The following CAPSL variants were observed in gnomAD, a reference collection of about 807,000 sequenced individuals.
CAPSL encodes the protein calcyphosin-like protein.
In CAPSL, 17 loss-of-function variants were observed where a neutral mutation model predicts 21.3. The ratio of observed to expected loss-of-function variants is 0.80; its 90% CI spans 0.55 to 1.20. CAPSL has a LOEUF of 1.20. Among genes scored for constraint, CAPSL ranks in the 50% most tolerant of loss-of-function variants. CAPSL has a pLI of 0.00. For synonymous variants in CAPSL, 102 were observed against 89.3 expected (o/e 1.14, Z -0.80); for missense variants, 289 against 259.3 (o/e 1.11, Z -0.79).
Position 35,910,060 on chromosome 5 carries a change from C to A in CAPSL, c.331G>T (p.Ala111Ser), listed in dbSNP as rs1452563390. The change falls in exon 4 of 5, where the codon GCC becomes TCC. Residue 111 changes from alanine (A) to serine (S), a missense_variant. Physicochemically the swap from Ala to Ser is moderately conservative, Grantham distance 99 (BLOSUM62 1). Transcript: ENST00000651391. Reference sequence around the variant, plus strand: ...GCTTGCATGATTACCTCTTTTCTGGCTCTGGACATTGGAGGCTACAAAAAT... The same window carrying A: ...GCTTGCATGATTACCTCTTTTCTGGATCTGGACATTGGAGGCTACAAAAAT... ...LLTLRPPMSRARKEVIMQAFR... is the reference protein window; with the variant it reads ...LLTLRPPMSRSRKEVIMQAFR... 6.2e-7 allele frequency: 1 copy of A among 1,608,504 alleles called. No individual in the cohort carries two copies.
intron 1 of CAPSL, among the ~76,000 whole-genome samples, chr5:35,936,690 T>A (rs917698411): frequency 3.9e-5 from 6 of 152,218 alleles, no homozygotes; most frequent in Admixed American, 3.9e-4. Context: ...GGATCTGTCC[T>A]ATTTTGTTTC....
chr5:35,904,810 A>C, intron 4 of CAPSL, 164 bp from the exon 5 acceptor site: 1 of 684,490 alleles, frequency 1.5e-6, no homozygotes, highest in Non-Finnish European at 1.8e-6. Context: ...GAAGCTGAGG[A>C]TGGTGTGAGA....
chr5:35,914,972 TAAAG>T (rs1738333650), intron 2 of CAPSL, among the ~76,000 whole-genome samples: 1 of 151,574 alleles, frequency 6.6e-6, no homozygotes, highest in Admixed American at 6.6e-5. Context: ...GCAAGACTAA[TAAAG>T]AAGAAAAGAG....
intron 1 of CAPSL, among the ~76,000 whole-genome samples, chr5:35,925,744 A>G (rs1738657178): frequency 6.6e-6 from 1 of 152,090 alleles, no homozygotes; most frequent in African/African-American, 2.4e-5. Flanking sequence ...ACAGGAGACC[A>G]CAAAAAAGGG....
rs145776682 is a variant in CAPSL at position 35,932,770 on chromosome 5, A to C, written c.-1+5771T>G. 2.9e-3 allele frequency among the ~76,000 whole-genome samples: 439 copies of C among 152,346 alleles called. 3 individuals carry two copies. Among genetic ancestry groups the C allele is most frequent in the African/African-American group, 0.01 (430 of 41,588 alleles). On this transcript the variant is annotated intron_variant, in intron 1 of 4. Coordinates refer to ENST00000651391, the MANE Select transcript of CAPSL (RefSeq NM_001042625.2). ...CATATGGAGCAACCGGATCACTCTGATGCAGAAGACTAAGGAAAGCCCTAA... is the reference window on the plus strand; with the variant it reads ...CATATGGAGCAACCGGATCACTCTGCTGCAGAAGACTAAGGAAAGCCCTAA...
At chr5:35,913,061 G>A (rs1738275274) in intron 2 of CAPSL, among the ~76,000 whole-genome samples, 1 of 152,198 alleles carries the variant, frequency 6.6e-6, no homozygotes, top group Non-Finnish European at 1.5e-5. Flanking sequence ...CGTGATGAAT[G>A]CACAAGCCTC....
intron 1 of CAPSL, among the ~76,000 whole-genome samples, chr5:35,921,597 T>A (rs1475394265): frequency 2.0e-5 from 3 of 152,186 alleles, no homozygotes; most frequent in Non-Finnish European, 4.4e-5. Context: ...CAGTAATGGG[T>A]ATGGTCTCCT....
At chr5:35,935,495 A>C (rs1738922510) in intron 1 of CAPSL, among the ~76,000 whole-genome samples, 2 of 151,300 alleles carry the variant, frequency 1.3e-5, no homozygotes. Flanking sequence ...ACAATACCCA[A>C]CTAATTTTTT....
chr5:35,904,288 T>G lies in CAPSL; in HGVS notation c.*257A>C. 1 of 510,536 alleles carries G rather than the reference T, an allele frequency of 2.0e-6. No individual in the cohort carries two copies. Among genetic ancestry groups the G allele is most frequent in the Middle Eastern group, 5.0e-4 (1 of 1,986 alleles). The allele number at this position is 510,536 out of a possible 1,614,324, so 31.6% of individuals were successfully genotyped here. On this transcript the variant is annotated 3_prime_UTR_variant, in exon 5 of 5. Transcript: ENST00000651391. ...ACACCTGCATGTATCAGCACAGCAC[T>G]AGGAGCTTTACAGAGCTCATTTTAT...
chr5:35,932,364 T>C (rs1442827474), intron 1 of CAPSL, among the ~76,000 whole-genome samples: 1 of 152,096 alleles, frequency 6.6e-6, no homozygotes, highest in African/African-American at 2.4e-5. Flanking sequence ...TACATAATAT[T>C]CCTACATAAT....
intron 1 of CAPSL, among the ~76,000 whole-genome samples, chr5:35,931,174 C>T (rs191746160): frequency 1.3e-4 from 20 of 152,236 alleles, no homozygotes; most frequent in Non-Finnish European, 1.9e-4. Context: ...CTGATACAGA[C>T]GGCAAAAAGC....
At chr5:35,931,134 T>G (rs1269671335) in intron 1 of CAPSL, among the ~76,000 whole-genome samples, 1 of 152,240 alleles carries the variant, frequency 6.6e-6, no homozygotes, top group Non-Finnish European at 1.5e-5. Flanking sequence ...GGTCAGGTCT[T>G]CAGTCACTTG....
At chr5:35,915,996 A>G (rs1019133223) in intron 2 of CAPSL, among the ~76,000 whole-genome samples, 2 of 152,204 alleles carry the variant, frequency 1.3e-5, no homozygotes, top group Non-Finnish European at 2.9e-5. Context: ...TCTTAAGCTG[A>G]TAAGCAACTT....
Position 35,921,104 on chromosome 5 carries a change from C to A in CAPSL, c.17G>T (p.Arg6Leu), listed in dbSNP as rs368551299. The change falls in exon 2 of 5, where the codon CGC becomes CTC. Residue 6 changes from arginine (R) to leucine (L), a missense_variant. By Grantham distance (102) the Arg-to-Leu change is moderately radical. Transcript: ENST00000651391. The stretch of plus-strand genomic sequence containing the variant: ...CTGGATCGCCATCTCTCGGTCATGG[C>A]GCGCTGTCCCTGCCATCTGAGGGGA... MAGTA[R>L]HDREMAIQAK... The A allele has an allele frequency of 4.3e-6, 7 of 1,613,784 alleles. No individual in the cohort carries two copies. Among genetic ancestry groups the A allele is most frequent in the Admixed American group, 1.7e-5 (1 of 60,002 alleles).
chr5:35,908,497 A>C (rs1011498981), intron 4 of CAPSL, among the ~76,000 whole-genome samples: 1 of 152,178 alleles, frequency 6.6e-6, no homozygotes, highest in Non-Finnish European at 1.5e-5. Flanking sequence ...CTTTTGTTAG[A>C]GAAAAGGGTA....
At chr5:35,915,731 T>C (rs1433893669) in intron 2 of CAPSL, among the ~76,000 whole-genome samples, 1 of 152,208 alleles carries the variant, frequency 6.6e-6, no homozygotes, top group Non-Finnish European at 1.5e-5. Context: ...AAGAGCTATC[T>C]ATGACAAACC....
intron 2 of CAPSL, among the ~76,000 whole-genome samples, chr5:35,915,700 G>A (rs896352569): frequency 6.6e-6 from 1 of 152,182 alleles, no homozygotes; most frequent in Admixed American, 6.5e-5. Context: ...AGGTATTGAT[G>A]GGACGTTATC....
chr5:35,920,256 GC>G (rs1738502338), intron 2 of CAPSL, among the ~76,000 whole-genome samples: 1 of 152,168 alleles, frequency 6.6e-6, no homozygotes, highest in Admixed American at 6.5e-5. Context: ...CCACTGAGAT[GC>G]CATTTAGATC....
chr5:35,930,555 G>A (rs1738794663), intron 1 of CAPSL, among the ~76,000 whole-genome samples: 1 of 152,152 alleles, frequency 6.6e-6, no homozygotes, highest in Non-Finnish European at 1.5e-5. Context: ...GCCCAAGCCT[G>A]AGAATGATTG....
Sources: gnomAD v4.1 joint callset for allele counts (sites outside exome capture counted in the v4.1 genomes callset) on GRCh38, gnomAD v4.1.1 for gene constraint, MANE v1.5 for transcripts, NCBI Gene and HGNC (gene_info 2026-07-23, HGNC 2026-07-21) for gene names.